KHDRBS2: variants seen among roughly 807,000 people sequenced by gnomAD.
KHDRBS2 encodes the protein KH RNA binding domain containing, signal transduction associated 2, also known as KH domain-containing, RNA-binding, signal transduction-associated protein 2.
KHDRBS2 carries 26 observed loss-of-function variants against 44.3 expected under a neutral mutation model. The ratio of observed to expected loss-of-function variants is 0.59; its 90% confidence interval spans 0.43 to 0.81. The LOEUF (loss-of-function observed/expected upper bound fraction) is 0.81, where lower values mean the gene tolerates loss of function less well. Ranked by LOEUF, KHDRBS2 falls within the 40% of genes least tolerant of loss-of-function variation. The probability of loss-of-function intolerance (pLI) is 0.00; values close to 1 mark genes in which losing one functional copy is unlikely to be tolerated. For missense variants in KHDRBS2, 476 were observed against 433.1 expected, an observed-to-expected ratio of 1.10 and a Z score of -0.88; for synonymous variants, 194 against 151.1, an observed-to-expected ratio of 1.28 and a Z score of -2.08.
chr6:62,249,871 T>C (rs752093982), intron 1 of KHDRBS2, among the ~76,000 whole-genome samples: 8 of 152,050 alleles, frequency 5.3e-5, no homozygotes, highest in Non-Finnish European at 7.4e-5. Context: ...TTTAAATAAC[T>C]AATATAAATT....
At chr6:62,222,277 A>G (rs1831032659) in intron 1 of KHDRBS2, among the ~76,000 whole-genome samples, 1 of 151,824 alleles carries the variant, frequency 6.6e-6, no homozygotes, top group African/African-American at 2.4e-5. Flanking sequence ...TCTTGGGGAG[A>G]ATGTATTACT....
chr6:61,929,381 A>C (rs1184445891), intron 4 of KHDRBS2, among the ~76,000 whole-genome samples: 1 of 152,216 alleles, frequency 6.6e-6, no homozygotes, highest in African/African-American at 2.4e-5. Context: ...AGTGAACATC[A>C]GTTTTTCAAC....
At chr6:62,004,517 AAT>A (rs1456218801) in intron 3 of KHDRBS2, among the ~76,000 whole-genome samples, 1 of 152,178 alleles carries the variant, frequency 6.6e-6, no homozygotes, top group Non-Finnish European at 1.5e-5. Flanking sequence ...GGCAATAATT[AAT>A]AGTCTTCCAA....
intron 7 of KHDRBS2, among the ~76,000 whole-genome samples, chr6:61,729,734 A>T (rs376172093): frequency 6.6e-6 from 1 of 152,066 alleles, no homozygotes; most frequent in Non-Finnish European, 1.5e-5. Context: ...TGCAATTTGT[A>T]TATCTTCTTT....
intron 2 of KHDRBS2, among the ~76,000 whole-genome samples, chr6:62,139,023 T>A (rs1440153535): frequency 6.6e-6 from 1 of 152,144 alleles, no homozygotes; most frequent in African/African-American, 2.4e-5. Context: ...GTTCTTTTTA[T>A]CATGAAATGG....
intron 2 of KHDRBS2, among the ~76,000 whole-genome samples, chr6:62,080,535 C>T (rs1240203178): frequency 6.6e-6 from 1 of 152,110 alleles, no homozygotes; most frequent in Non-Finnish European, 1.5e-5. Flanking sequence ...TTCTATTCTT[C>T]CTTCTCAATG....
the KHDRBS2 span, among the ~76,000 whole-genome samples, chr6:61,545,656 C>T: frequency 3.5e-4 from 53 of 152,078 alleles, 1 homozygote; most frequent in African/African-American, 1.2e-3. Flanking sequence ...AACTGAGATC[C>T]TCTCTGTTAT....
chr6:61,937,561 T>G (rs1163123743), intron 4 of KHDRBS2, among the ~76,000 whole-genome samples: 1 of 152,108 alleles, frequency 6.6e-6, no homozygotes, highest in East Asian at 1.9e-4. Flanking sequence ...CTTTGAAAAC[T>G]TCTACTATAT....
At chr6:61,635,741 CAA>C in the KHDRBS2 span, among the ~76,000 whole-genome samples, 3 of 152,110 alleles carry the variant, frequency 2.0e-5, no homozygotes, top group East Asian at 5.8e-4. Flanking sequence ...TCCCATCACA[CAA>C]ACAAACTTTC....
At chr6:62,053,321 A>G (rs1184575192) in intron 2 of KHDRBS2, among the ~76,000 whole-genome samples, 1 of 151,926 alleles carries the variant, frequency 6.6e-6, no homozygotes, top group Non-Finnish European at 1.5e-5. Flanking sequence ...ACCAAATCAG[A>G]AAAGGAAATG....
At chr6:61,956,224 CTT>C (rs1367552002) in intron 4 of KHDRBS2, among the ~76,000 whole-genome samples, 2 of 151,962 alleles carry the variant, frequency 1.3e-5, no homozygotes, top group Non-Finnish European at 2.9e-5. Context: ...AACAGACACT[CTT>C]TATGTTCAAA....
At chr6:62,048,138 AC>A in intron 2 of KHDRBS2, 144 bp from the exon 3 acceptor site, 1 of 594,840 alleles carries the variant, frequency 1.7e-6, no homozygotes, top group Non-Finnish European at 3.0e-6. Context: ...ACACACACAC[AC>A]ACACACACAC....
At chr6:61,648,838 G>A in the KHDRBS2 span, among the ~76,000 whole-genome samples, 4 of 151,884 alleles carry the variant, frequency 2.6e-5, no homozygotes, top group Admixed American at 1.3e-4. Flanking sequence ...GATTTAGTGC[G>A]GCCCTCCTAC....
chr6:62,005,462 G>T lies in KHDRBS2; in HGVS notation c.337-27250C>A, dbSNP rs143019783. Among the ~76,000 whole-genome samples, 420 of 151,924 alleles carry T rather than the reference G, an allele frequency of 2.8e-3. 3 individuals are homozygous for T. Among genetic ancestry groups the T allele is most frequent in the African/African-American group, 9.3e-3 (384 of 41,508 alleles). ...TTAAATATGCTTTAATAATAGAAAA[G>T]ATTAGATATTTCAGAGAGCTATCTC... On this transcript the variant is annotated intron_variant, in intron 3 of 8. Transcript: ENST00000281156.
At chr6:61,760,890 G>A (rs1253102406) in intron 6 of KHDRBS2, among the ~76,000 whole-genome samples, 1 of 152,138 alleles carries the variant, frequency 6.6e-6, no homozygotes, top group Non-Finnish European at 1.5e-5. Flanking sequence ...AGAAATGCTT[G>A]AACAGTTTTG....
chr6:61,823,075 C>T (rs1171575084), intron 6 of KHDRBS2, among the ~76,000 whole-genome samples: 1 of 151,858 alleles, frequency 6.6e-6, no homozygotes, highest in Admixed American at 6.6e-5. Context: ...ATGATGGGGT[C>T]ATTCTAGCTG....
chr6:61,921,976 G>A (rs73489410), intron 4 of KHDRBS2, among the ~76,000 whole-genome samples: 11,787 of 147,848 alleles, frequency 0.08, 465 homozygotes, highest in Middle Eastern at 0.13. Context: ...TTTCTTTAGA[G>A]TGGCAAGCCA....
At chr6:61,955,779 A>C (rs16880495) in intron 4 of KHDRBS2, among the ~76,000 whole-genome samples, 35,692 of 124,948 alleles carry the variant, frequency 0.29, 6,155 homozygotes, top group East Asian at 0.33. Context: ...AACCACTGGC[A>C]TTTACTAAGT....
chr6:61,685,940 A>G (rs1448860029), intron 8 of KHDRBS2, among the ~76,000 whole-genome samples: 1 of 151,744 alleles, frequency 6.6e-6, no homozygotes, highest in East Asian at 1.9e-4. Context: ...CGAGGGGTCA[A>G]TTCAGGAAAA....
Sources: allele counts gnomAD v4.1 joint callset (sites outside exome capture counted in the v4.1 genomes callset), GRCh38; gene constraint gnomAD v4.1.1; transcripts MANE v1.5; gene names NCBI Gene and HGNC (gene_info 2026-07-23, HGNC 2026-07-21).